MEMO1: variants seen among roughly 807,000 people sequenced by gnomAD.
MEMO1 encodes the protein mediator of cell motility 1, also known as protein MEMO1.
In MEMO1, 6 loss-of-function variants were observed where a neutral mutation model predicts 45.2. That is an observed-to-expected ratio of 0.13 (90% CI 0.07 to 0.26). The LOEUF is 0.26. MEMO1 is among the 10% of genes least tolerant of loss of function. The pLI is 1.00. For synonymous variants in MEMO1, 78 were observed against 124.3 expected (o/e 0.63, Z 2.48); for missense variants, 184 against 370.5 (o/e 0.50, Z 4.13).
intron 2 of MEMO1, among the ~76,000 whole-genome samples, chr2:31,969,429 A>G (rs75484917): frequency 2.0e-4 from 27 of 135,812 alleles, no homozygotes; most frequent in African/African-American, 5.0e-4. Flanking sequence ...ATATACATAT[A>G]TGTGTGTGTA....
intron 2 of MEMO1, among the ~76,000 whole-genome samples, chr2:31,961,033 A>AATTTAGAT: frequency 6.6e-6 from 1 of 150,832 alleles, no homozygotes; most frequent in Admixed American, 6.6e-5. Flanking sequence ...ATTTTCAGCT[A>AATTTAGAT]ATTTAGATAT....
intron 3 of MEMO1, 47 bp from the exon 4 acceptor site, chr2:31,932,182 A>G (rs1558513063): frequency 1.3e-6 from 2 of 1,528,566 alleles, no homozygotes; most frequent in Non-Finnish European, 1.8e-6. Flanking sequence ...TTCAAAATCA[A>G]GATATTCTAG....
Position 31,898,521 on chromosome 2 carries a change from C to T in MEMO1, c.438-6387G>A, listed in dbSNP as rs143049405. 6.1e-3 allele frequency among the ~76,000 whole-genome samples: 922 copies of T among 152,166 alleles called. 12 individuals are homozygous for T. The highest frequency in any genetic ancestry group is 0.021 in the African/African-American group (864 of 41,504). On this transcript the variant is annotated intron_variant, in intron 6 of 9. Transcript: ENST00000404530. ...GTTGTTCAGTTTCCATGTAGTTGTG[C>T]GGTTTTGAGTGAGTTTCTTAATCCT...
intron 8 of MEMO1, among the ~76,000 whole-genome samples, chr2:31,877,583 G>A (rs1353808627): frequency 1.3e-5 from 2 of 152,172 alleles, no homozygotes; most frequent in African/African-American, 2.4e-5. Context: ...AGTGAGGGAA[G>A]ACTGTACTGG....
Position 31,878,613 on chromosome 2 carries a change from G to A in MEMO1, c.657+4773C>T, listed in dbSNP as rs112921987. Among the ~76,000 whole-genome samples the A allele has an allele frequency of 2.9e-3, 441 of 152,118 alleles. 4 individuals carry two copies. The highest frequency in any genetic ancestry group is 1.0e-2 in the African/African-American group (415 of 41,504). Reference sequence around the variant, plus strand: ...AGACATCCAAGTGGAAATTATGTACGGTGTTTGAGCACGTGCTTCTGGCAG... The same window carrying A: ...AGACATCCAAGTGGAAATTATGTACAGTGTTTGAGCACGTGCTTCTGGCAG... On this transcript the variant is annotated intron_variant, in intron 8 of 9. Transcript: ENST00000404530.
intron 6 of MEMO1, among the ~76,000 whole-genome samples, chr2:31,895,180 A>G (rs1224226131): frequency 6.6e-6 from 1 of 152,240 alleles, no homozygotes; most frequent in Non-Finnish European, 1.5e-5. Context: ...CAAAGTTACT[A>G]TAACATACTA....
intron 6 of MEMO1, among the ~76,000 whole-genome samples, chr2:31,908,657 G>C (rs1250562899): frequency 6.6e-6 from 1 of 152,158 alleles, no homozygotes; most frequent in Non-Finnish European, 1.5e-5. Context: ...AAACTCCTGA[G>C]AGCCAAGGAA....
At chr2:32,006,591 C>G (rs566828808) in intron 2 of MEMO1, among the ~76,000 whole-genome samples, 3 of 70,570 alleles carry the variant, frequency 4.3e-5, no homozygotes, top group African/African-American at 1.4e-4. Context: ...TGGACCTTAC[C>G]AAAAAAAAAA....
intron 3 of MEMO1, among the ~76,000 whole-genome samples, chr2:31,934,975 A>G (rs1664741199): frequency 6.6e-6 from 1 of 152,176 alleles, no homozygotes; most frequent in Admixed American, 6.5e-5. Context: ...TGAGCATGGG[A>G]GATGATGAAA....
chr2:31,931,387 C>T (rs1057248828), intron 4 of MEMO1, among the ~76,000 whole-genome samples: 15 of 152,164 alleles, frequency 9.9e-5, no homozygotes, highest in African/African-American at 3.4e-4. Flanking sequence ...TTTACCTATT[C>T]ACATAGCTTG....
chr2:31,907,212 T>A (rs1041316103), intron 6 of MEMO1, among the ~76,000 whole-genome samples: 4 of 152,156 alleles, frequency 2.6e-5, no homozygotes, highest in African/African-American at 4.8e-5. Flanking sequence ...AACTATTACC[T>A]CTTTCCTCCC....
intron 2 of MEMO1, among the ~76,000 whole-genome samples, chr2:31,981,882 G>T (rs1231895903): frequency 6.6e-6 from 1 of 151,964 alleles, no homozygotes; most frequent in African/African-American, 2.4e-5. Flanking sequence ...CCATATAACT[G>T]AAATCATAAA....
At chr2:31,963,340 A>G in intron 2 of MEMO1, 1 of 1,326,898 alleles carries the variant, frequency 7.5e-7, no homozygotes, top group Non-Finnish European at 9.8e-7. Context: ...ATAAAGGTGT[A>G]GACACACATA....
At position 31,869,267 on chromosome 2, in the gene MEMO1, T is replaced by C. The variant is rs183156853; in HGVS notation, c.762+581A>G. On this transcript the variant is annotated intron_variant, in intron 9 of 9. Coordinates refer to ENST00000404530, the MANE Select transcript of MEMO1 (RefSeq NM_001301833.4). ...CCTGAGTATACACTTTCTTCTTTCT[T>C]AATTAATGTCATATTTTCATTCAAG... 7.9e-5 allele frequency among the ~76,000 whole-genome samples: 12 copies of C among 152,234 alleles called. No individual in the cohort carries two copies. The East Asian group carries it at 2.3e-3, about 29-fold the overall frequency.
intron 2 of MEMO1, among the ~76,000 whole-genome samples, chr2:31,965,607 T>A (rs1185911261): frequency 6.6e-6 from 1 of 152,170 alleles, no homozygotes; most frequent in Admixed American, 6.5e-5. Context: ...AAAACTCTTT[T>A]AAGTTTCAGT....
intron 2 of MEMO1, among the ~76,000 whole-genome samples, chr2:32,002,313 A>G (rs13022518): frequency 6.7e-6 from 1 of 148,232 alleles, no homozygotes; most frequent in South Asian, 2.1e-4. Flanking sequence ...ACATATATAC[A>G]TACACATATA....
intron 6 of MEMO1, among the ~76,000 whole-genome samples, chr2:31,902,370 C>T (rs529613445): frequency 4.6e-5 from 7 of 151,690 alleles, no homozygotes; most frequent in Admixed American, 1.3e-4. Flanking sequence ...TGCACTCCAG[C>T]GTAGGCAACA....
intron 3 of MEMO1, among the ~76,000 whole-genome samples, chr2:31,942,129 T>A (rs1665686140): frequency 6.6e-6 from 1 of 152,166 alleles, no homozygotes; most frequent in Admixed American, 6.5e-5. Context: ...ATTAACTGAA[T>A]TCATATCATA....
chr2:32,002,164 A>T lies in MEMO1; in HGVS notation c.61+8023T>A, dbSNP rs1398028258. On this transcript the variant is annotated intron_variant, in intron 2 of 9. Transcript: ENST00000404530. ...TGTCTCAAAAAAAAAAAAAAAAAAA[A>T]AAAAATATATATATATATATATACA... Among the ~76,000 whole-genome samples the T allele has an allele frequency of 8.7e-3, 1,041 of 119,714 alleles. 6 individuals carry two copies. The highest frequency in any genetic ancestry group is 0.034 in the African/African-American group (911 of 26,750). The allele number at this position is 119,714 out of a possible 152,430, so 78.5% of individuals were successfully genotyped here. A position where few individuals can be genotyped will look rare whatever the true frequency, so the allele number is the denominator to read the frequency against.
Sources: allele counts gnomAD v4.1 joint callset (sites outside exome capture counted in the v4.1 genomes callset), GRCh38; gene constraint gnomAD v4.1.1; transcripts MANE v1.5; gene names NCBI Gene and HGNC (gene_info 2026-07-23, HGNC 2026-07-21).